The following RNF150 variants were observed in gnomAD, a reference collection of about 807,000 sequenced individuals.
The protein encoded by RNF150 is ring finger protein 150.
In RNF150, 24 loss-of-function variants were observed where a neutral mutation model predicts 39.3. The ratio of observed to expected loss-of-function variants is 0.61; its 90% CI spans 0.44 to 0.86. The LOEUF (loss-of-function observed/expected upper bound fraction) is 0.86. Ranked by LOEUF, RNF150 falls within the 40% of genes least tolerant of loss-of-function variation. The pLI, the probability that RNF150 is intolerant of heterozygous loss-of-function variation, is 0.00. For synonymous variants in RNF150, 255 were observed against 227.3 expected, an observed-to-expected ratio of 1.12 and a Z score of -1.10; for missense variants, 502 against 587.8, an observed-to-expected ratio of 0.85 and a Z score of 1.51.
At chr4:141,076,285 A>G (rs1486232858) in intron 1 of RNF150, among the ~76,000 whole-genome samples, 2 of 152,206 alleles carry the variant, frequency 1.3e-5, no homozygotes, top group African/African-American at 4.8e-5. Context: ...CCCTTGAGTT[A>G]GGCATATTTC....
At chr4:140,952,175 T>C (rs977055676) in intron 2 of RNF150, among the ~76,000 whole-genome samples, 5 of 151,892 alleles carry the variant, frequency 3.3e-5, no homozygotes, top group African/African-American at 1.2e-4. Context: ...CACGCCTGGC[T>C]GATTTTTTTT....
chr4:140,872,874 T>C, intron 6 of RNF150, among the ~76,000 whole-genome samples: 1 of 152,164 alleles, frequency 6.6e-6, no homozygotes, highest in East Asian at 1.9e-4. Context: ...GTCTGGAGTT[T>C]AGAGGAGAGG....
intron 1 of RNF150, among the ~76,000 whole-genome samples, chr4:141,192,519 C>A (rs1728126758): frequency 6.6e-6 from 1 of 151,996 alleles, no homozygotes; most frequent in Admixed American, 6.6e-5. Flanking sequence ...ATGGGGTTGA[C>A]AGTGGTGAGA....
chr4:140,929,365 T>A (rs957922371), intron 4 of RNF150, among the ~76,000 whole-genome samples: 1 of 135,136 alleles, frequency 7.4e-6, no homozygotes, highest in Non-Finnish European at 1.6e-5. Flanking sequence ...TAAGTTTTTT[T>A]TTTTTTTTTT....
chr4:140,982,797 G>A (rs1733903284), intron 1 of RNF150, among the ~76,000 whole-genome samples: 1 of 152,244 alleles, frequency 6.6e-6, no homozygotes, highest in African/African-American at 2.4e-5. Context: ...AACTATGCAT[G>A]CCTGCTGCAT....
At chr4:141,048,931 T>TA (rs932559538) in intron 1 of RNF150, among the ~76,000 whole-genome samples, 2 of 152,200 alleles carry the variant, frequency 1.3e-5, no homozygotes, top group Admixed American at 1.3e-4. Flanking sequence ...TCCTTTGTGA[T>TA]AAAATCTGAC....
intron 6 of RNF150, among the ~76,000 whole-genome samples, chr4:140,909,228 C>T (rs917609972): frequency 1.3e-5 from 2 of 152,072 alleles, no homozygotes; most frequent in African/African-American, 2.4e-5. Context: ...ATCAAATGAC[C>T]TTTAATGTTC....
intron 6 of RNF150, among the ~76,000 whole-genome samples, chr4:140,900,245 T>C (rs1373473903): frequency 6.6e-6 from 1 of 152,136 alleles, no homozygotes; most frequent in Admixed American, 6.5e-5. Context: ...ACACTAAGGT[T>C]ACTGGCAGGG....
chr4:140,988,497 A>T (rs557259523), intron 1 of RNF150, among the ~76,000 whole-genome samples: 23 of 152,102 alleles, frequency 1.5e-4, no homozygotes, highest in African/African-American at 5.3e-4. Context: ...ATATATATAT[A>T]TTTTATTATA....
intron 5 of RNF150, among the ~76,000 whole-genome samples, chr4:140,913,330 T>A (rs1490518525): frequency 6.6e-6 from 1 of 152,188 alleles, no homozygotes. Flanking sequence ...AGGAATTACA[T>A]GCTCCCTGGC....
At chr4:141,096,493 C>A (rs763785592) in intron 1 of RNF150, among the ~76,000 whole-genome samples, 1 of 152,040 alleles carries the variant, frequency 6.6e-6, no homozygotes, top group Non-Finnish European at 1.5e-5. Context: ...TCACCGTGCC[C>A]AGCCAAGAGT....
chr4:141,102,243 C>T (rs754117117), intron 1 of RNF150, among the ~76,000 whole-genome samples: 2 of 152,188 alleles, frequency 1.3e-5, no homozygotes, highest in South Asian at 2.1e-4. Context: ...AATACGAATG[C>T]TGTTAGCAAG....
At chr4:141,036,145 T>C (rs1037000291) in intron 1 of RNF150, among the ~76,000 whole-genome samples, 1 of 152,174 alleles carries the variant, frequency 6.6e-6, no homozygotes, top group African/African-American at 2.4e-5. Flanking sequence ...GGCAAAAGCA[T>C]AAGGAGCAAC....
chr4:141,211,727 C>G (rs1030269539), intron 1 of RNF150, among the ~76,000 whole-genome samples: 6 of 151,342 alleles, frequency 4.0e-5, no homozygotes, highest in African/African-American at 1.5e-4. Context: ...GATGGCCATA[C>G]TGGATAAAAC....
intron 6 of RNF150, among the ~76,000 whole-genome samples, chr4:140,899,974 C>CTCTCTCTCTG (rs1365683071): frequency 5.8e-5 from 4 of 69,164 alleles, no homozygotes; most frequent in Admixed American, 2.8e-4. Flanking sequence ...CTCTCTCTCT[C>CTCTCTCTCTG]TGTGTGTGTG....
chr4:140,861,962 T>C lies in RNF150; in HGVS notation c.*6299A>G, dbSNP rs540323904. 3 of 152,334 alleles carry C rather than the reference T, an allele frequency of 2.0e-5. No homozygotes were observed. The East Asian group carries it at 5.8e-4, about 29-fold the overall frequency. The allele number at this position is 152,334 out of a possible 1,614,324, so 9.4% of individuals were successfully genotyped here. A position where few individuals can be genotyped will look rare whatever the true frequency, so the allele number is the denominator to read the frequency against. On this transcript the variant is annotated 3_prime_UTR_variant, in exon 7 of 7. Coordinates refer to ENST00000515673, the MANE Select transcript of RNF150 (RefSeq NM_020724.2). ...AACCCCATAAGGTTTAATGGTTTCA[T>C]TCAACCATGCAACCCACCTTCGCTT... is the stretch of plus-strand genomic sequence containing the variant.
intron 1 of RNF150, among the ~76,000 whole-genome samples, chr4:141,085,666 TA>T (rs1193599531): frequency 6.6e-6 from 1 of 152,174 alleles, no homozygotes; most frequent in East Asian, 1.9e-4. Flanking sequence ...TCTGTGAGCA[TA>T]AAAAATTGGT....
intron 5 of RNF150, among the ~76,000 whole-genome samples, chr4:140,917,899 G>A (rs567287308): frequency 1.4e-4 from 21 of 151,914 alleles, no homozygotes; most frequent in Non-Finnish European, 2.6e-4. Context: ...ACTCAAAACC[G>A]CTCCACTACA....
At position 140,865,355 on chromosome 4, in the gene RNF150, T is replaced by C. The variant is rs1463475943; in HGVS notation, c.*2906A>G. On this transcript the variant is annotated 3_prime_UTR_variant, in exon 7 of 7. Transcript: ENST00000515673. ...GGACAGTGCTAGTCTAGACTCTTGC[T>C]ATAGAAAAATGCACATCTGCAAATA... The C allele has an allele frequency of 1.3e-5, 2 of 152,544 alleles. No individual in the cohort carries two copies. The highest frequency in any genetic ancestry group is 2.9e-5 in the Non-Finnish European group (2 of 68,034). The allele number at this position is 152,544 out of a possible 1,614,324, so 9.4% of individuals were successfully genotyped here. A position where few individuals can be genotyped will look rare whatever the true frequency, so the allele number is the denominator to read the frequency against.
Sources: gnomAD v4.1 joint callset for allele counts (sites outside exome capture counted in the v4.1 genomes callset) on GRCh38, gnomAD v4.1.1 for gene constraint, MANE v1.5 for transcripts, NCBI Gene and HGNC (gene_info 2026-07-23, HGNC 2026-07-21) for gene names.